The following RPS19 variants were observed in gnomAD, a reference collection of about 807,000 sequenced individuals.
RPS19 encodes the protein ribosomal protein S19.
RPS19 carries 1 observed loss-of-function variant against 20.3 expected under a neutral mutation model. The ratio of observed to expected loss-of-function variants is 0.05; its 90% confidence interval spans 0.02 to 0.23. RPS19 has a LOEUF of 0.23. Among genes scored for constraint, RPS19 ranks in the 10% least tolerant of loss-of-function variants. RPS19 has a pLI of 1.00. For missense variants in RPS19, 111 were observed against 192.7 expected (o/e 0.58, Z 2.51); for synonymous variants, 87 against 74.8 (o/e 1.16, Z -0.84).
intron 2 of RPS19, 103 bp from the exon 3 acceptor site, chr19:41,861,009 G>A (rs1267236123): frequency 1.8e-6 from 2 of 1,123,478 alleles, no homozygotes; most frequent in Non-Finnish European, 2.7e-6. Flanking sequence ...GCCTCTCTTT[G>A]TACTCTGGGC....
At chr19:41,866,373 G>A (rs2074090000) in intron 3 of RPS19, among the ~76,000 whole-genome samples, 1 of 152,252 alleles carries the variant, frequency 6.6e-6, no homozygotes, top group Non-Finnish European at 1.5e-5. Context: ...CAGCTACAGG[G>A]CCCAGAGGGA....
chr19:41,861,184 C>T lies in RPS19; in HGVS notation c.144C>T (p.Tyr48=), dbSNP rs1555839171. The T allele has an allele frequency of 6.2e-7, 1 of 1,613,974 alleles. No homozygotes were observed. Among genetic ancestry groups the T allele is most frequent in the Non-Finnish European group, 8.5e-7 (1 of 1,179,954 alleles). Residue 48 remains tyrosine (Y), a synonymous_variant, in exon 3 of 6, where the codon TAC becomes TAT. Coordinates refer to ENST00000598742, the MANE Select transcript of RPS19 (RefSeq NM_001022.4). ...CCAAGCACAAAGAGCTTGCTCCCTA[C>T]GATGAGAACTGGTTCTACACGCGAG... The part of the protein sequence containing the change: ...KLAKHKELAP[Y]DENWFYTRAA...
intron 3 of RPS19, among the ~76,000 whole-genome samples, chr19:41,866,725 CGGGGCCA>C (rs1600617657): frequency 6.6e-6 from 1 of 152,080 alleles, no homozygotes; most frequent in East Asian, 1.9e-4. Context: ...GGTGTAATAT[CGGGGCCA>C]GGGGCCGGGT....
chr19:41,869,078 T>G lies in RPS19; in HGVS notation c.220T>G (p.Ser74Ala). The G allele has an allele frequency of 1.2e-6, 2 of 1,613,708 alleles. No individual in the cohort carries two copies. Among genetic ancestry groups the G allele is most frequent in the South Asian group, 2.2e-5 (2 of 91,080 alleles). Reference protein sequence around the residue: ...LYLRGGAGVGSMTKIYGGRQR... With the variant: ...LYLRGGAGVGAMTKIYGGRQR... ...CCTCCGGGGTGGCGCTGGGGTTGGC[T>G]CCATGACCAAGATCTATGGGGGACG... Residue 74 changes from serine to alanine, a missense_variant, in exon 4 of 6, where the codon TCC becomes GCC. Transcript: ENST00000598742.
At chr19:41,867,575 G>A (rs2074103384) in intron 3 of RPS19, among the ~76,000 whole-genome samples, 1 of 152,236 alleles carries the variant, frequency 6.6e-6, no homozygotes, top group Admixed American at 6.5e-5. Context: ...GCCTCCCAAA[G>A]TGGTGGGATT....
In RPS19 at chr19:41,871,542, A is replaced by G. The variant is rs1555842042; in HGVS notation, c.*165A>G. On this transcript the variant is annotated 3_prime_UTR_variant, in exon 6 of 6. Transcript: ENST00000598742. The stretch of plus-strand genomic sequence containing the variant: ...AATGATTCTCCTGCCTCAGCCTCCC[A>G]AAGTGCTGGGATTACAAGTGTGAGC... 30 of 668,488 alleles carry G rather than the reference A, an allele frequency of 4.5e-5. No homozygotes were observed. The highest frequency in any genetic ancestry group is 3.0e-5 in the Non-Finnish European group (11 of 372,150). 41.4% of individuals were successfully genotyped at this position (668,488 alleles called of 1,614,324 possible).
At chr19:41,864,933 C>G (rs560055314) in intron 3 of RPS19, 1 of 152,208 alleles carries the variant, frequency 6.6e-6, no homozygotes, top group African/African-American at 2.4e-5. Flanking sequence ...TATTTCAACT[C>G]TTAGCATTTT....
In RPS19 at chr19:41,860,824, C is replaced by T. The variant is rs11540262; in HGVS notation, c.50C>T (p.Ala17Val). 1 of 1,613,814 alleles carries T rather than the reference C, an allele frequency of 6.2e-7. No homozygotes were observed. The highest frequency in any genetic ancestry group is 8.5e-7 in the Non-Finnish European group (1 of 1,179,808). Residue 17 changes from alanine (A) to valine (V), a missense_variant, in exon 2 of 6, where the codon GCT (alanine) becomes GTT (valine). Physicochemically the swap from Ala to Val is moderately conservative, Grantham distance 64 (BLOSUM62 0). Transcript: ENST00000598742. ...KDVNQQEFVRALAAFLKKSGK... is the reference protein window; with the variant it reads ...KDVNQQEFVRVLAAFLKKSGK... ...GTGAACCAGCAGGAGTTCGTCAGAG[C>T]TCTGGCAGCCTTCCTCAAAAAGTGA... is the stretch of plus-strand genomic sequence containing the variant.
Position 41,861,181 on chromosome 19 carries a change from C to G in RPS19, c.141C>G (p.Pro47=). The change falls in exon 3 of 6, where the codon CCC becomes CCG. Residue 47 remains proline (P), a synonymous_variant. Coordinates refer to ENST00000598742, the MANE Select transcript of RPS19 (RefSeq NM_001022.4). ...VKLAKHKELA[P]YDENWFYTRA... ...TGGCCAAGCACAAAGAGCTTGCTCC[C>G]TACGATGAGAACTGGTTCTACACGC... 1 of 1,614,044 alleles carries G rather than the reference C, an allele frequency of 6.2e-7. No homozygotes were observed. The highest frequency in any genetic ancestry group is 8.5e-7 in the Non-Finnish European group (1 of 1,179,968).
At chr19:41,860,597 C>T (rs1555838963) in intron 1 of RPS19, 178 bp from the exon 2 acceptor site, 2 of 704,456 alleles carry the variant, frequency 2.8e-6, no homozygotes, top group African/African-American at 3.5e-5. Context: ...AGGCCGTGGG[C>T]GTCGGTGAGC....
At chr19:41,868,641 T>C (rs887384462) in intron 3 of RPS19, among the ~76,000 whole-genome samples, 1 of 152,108 alleles carries the variant, frequency 6.6e-6, no homozygotes, top group Non-Finnish European at 1.5e-5. Context: ...GCCCTTGTTA[T>C]CCTGAGCTCT....
At chr19:41,869,662 G>A (rs1555841533) in intron 4 of RPS19, 37 bp from the exon 5 acceptor site, 3 of 1,605,544 alleles carry the variant, frequency 1.9e-6, no homozygotes, top group Non-Finnish European at 2.6e-6. Context: ...CAGGACCTGT[G>A]CTCACTGGGG....
chr19:41,869,277 A>G (rs1318178037), intron 4 of RPS19, 63 bp downstream of exon 4: 2 of 1,452,688 alleles, frequency 1.4e-6, no homozygotes, highest in Non-Finnish European at 1.9e-6. Context: ...TCAATTCCCC[A>G]ACGAATGGTC....
At chr19:41,867,689 C>T (rs1219905294) in intron 3 of RPS19, among the ~76,000 whole-genome samples, 4 of 152,154 alleles carry the variant, frequency 2.6e-5, no homozygotes, top group African/African-American at 9.7e-5. Context: ...CTTATAGTCC[C>T]AGCTACTTAG....
intron 3 of RPS19, among the ~76,000 whole-genome samples, chr19:41,862,963 C>T (rs1555839596): frequency 6.6e-6 from 1 of 152,142 alleles, no homozygotes; most frequent in East Asian, 1.9e-4. Context: ...TGCACAAGGG[C>T]AGAGTTGTAG....
At chr19:41,861,273 T>C in intron 3 of RPS19, 61 bp downstream of exon 3, 2 of 1,206,840 alleles carry the variant, frequency 1.7e-6, no homozygotes, top group East Asian at 4.7e-5. Context: ...GCACAAACCA[T>C]ACTTCCCTGT....
intron 5 of RPS19, 36 bp downstream of exon 5, chr19:41,869,789 A>C: frequency 6.2e-7 from 1 of 1,602,660 alleles, no homozygotes; most frequent in African/African-American, 1.3e-5. Flanking sequence ...TGGGTCCCTT[A>C]GTCGCTGCCC....
chr19:41,863,482 T>A (rs1025257000), intron 3 of RPS19, among the ~76,000 whole-genome samples: 1 of 152,158 alleles, frequency 6.6e-6, no homozygotes, highest in Non-Finnish European at 1.5e-5. Flanking sequence ...CTATATTCCC[T>A]TTTTTCTACT....
intron 1 of RPS19, 199 bp downstream of exon 1, chr19:41,860,488 C>T: frequency 4.2e-6 from 2 of 472,718 alleles, no homozygotes; most frequent in East Asian, 4.1e-5. Flanking sequence ...CGGGGGGCAG[C>T]GGCGGGGTGC....
Sources: gnomAD v4.1 joint callset for allele counts (sites outside exome capture counted in the v4.1 genomes callset) on GRCh38, gnomAD v4.1.1 for gene constraint, MANE v1.5 for transcripts, NCBI Gene and HGNC (gene_info 2026-07-23, HGNC 2026-07-21) for gene names.